The following SENP7 variants were observed in gnomAD, a reference collection of about 807,000 sequenced individuals.
The protein encoded by SENP7 is sentrin-specific protease 7.
A neutral mutation model predicts 141.2 loss-of-function variants in SENP7; 64 were observed. The observed-to-expected ratio is 0.45, with a 90% CI of 0.37 to 0.56. SENP7 has a LOEUF of 0.56. Among genes scored for constraint, SENP7 ranks in the 20% least tolerant of loss-of-function variants. The pLI is 0.00. For missense variants in SENP7, 1,025 were observed against 1,212.2 expected (o/e 0.85, Z 2.29); for synonymous variants, 382 against 426.4 (o/e 0.90, Z 1.28).
chr3:101,481,076 C>CCA (rs1390887538), intron 3 of SENP7, among the ~76,000 whole-genome samples: 1,955 of 127,204 alleles, frequency 0.015, 45 homozygotes, highest in African/African-American at 0.054. Flanking sequence ...GAGATTTCCC[C>CCA]AAAAAAAAAA....
At chr3:101,453,637 G>T (rs1261391892) in intron 4 of SENP7, among the ~76,000 whole-genome samples, 1 of 151,686 alleles carries the variant, frequency 6.6e-6, no homozygotes, top group Non-Finnish European at 1.5e-5. Context: ...AACACCGCAT[G>T]TTCTCACTCA....
At chr3:101,365,521 A>C (rs746291843) in intron 9 of SENP7, among the ~76,000 whole-genome samples, 13 of 150,102 alleles carry the variant, frequency 8.7e-5, no homozygotes, top group Non-Finnish European at 1.6e-4. Flanking sequence ...CTATAATCCC[A>C]GCTACTTGGG....
intron 4 of SENP7, among the ~76,000 whole-genome samples, chr3:101,447,943 T>C (rs921530511): frequency 1.3e-5 from 2 of 152,212 alleles, no homozygotes; most frequent in African/African-American, 4.8e-5. Context: ...TTACTATCAA[T>C]TGATATCTCA....
intron 3 of SENP7, among the ~76,000 whole-genome samples, chr3:101,476,552 T>A (rs553531941): frequency 6.6e-6 from 1 of 152,362 alleles, no homozygotes; most frequent in East Asian, 1.9e-4. Flanking sequence ...GGTGCCACAA[T>A]AAACATACAT....
intron 3 of SENP7, among the ~76,000 whole-genome samples, chr3:101,480,467 T>A (rs1269493272): frequency 6.6e-6 from 1 of 152,110 alleles, no homozygotes; most frequent in African/African-American, 2.4e-5. Flanking sequence ...AGGATATCCA[T>A]ACGCAGAAAA....
At chr3:101,451,189 A>T (rs1179832211) in intron 4 of SENP7, among the ~76,000 whole-genome samples, 1 of 152,178 alleles carries the variant, frequency 6.6e-6, no homozygotes, top group African/African-American at 2.4e-5. Flanking sequence ...CTCTGAATAG[A>T]CCAATAACAG....
At chr3:101,377,700 G>C (rs1382878184) in intron 6 of SENP7, among the ~76,000 whole-genome samples, 1 of 152,148 alleles carries the variant, frequency 6.6e-6, no homozygotes, top group East Asian at 1.9e-4. Context: ...AATCAAGCAG[G>C]GGAAATAAAA....
intron 4 of SENP7, among the ~76,000 whole-genome samples, chr3:101,434,427 G>C (rs891077678): frequency 6.6e-6 from 1 of 151,432 alleles, no homozygotes; most frequent in Admixed American, 6.6e-5. Flanking sequence ...AAAATAAAGA[G>C]AGAAAAAAAC....
chr3:101,359,146 C>T (rs577266429), intron 11 of SENP7: 1 of 152,186 alleles, frequency 6.6e-6, no homozygotes, highest in Non-Finnish European at 1.5e-5. Context: ...ATAATTCATA[C>T]TGGCAAAACT....
Position 101,499,535 on chromosome 3 carries a change from A to ATTTTTTTTTTTTTTTTTTTTTTTT in SENP7, c.90+1534_90+1535insAAAAAAAAAAAAAAAAAAAAAAAA, listed in dbSNP as rs55855998. ...AGGCACCTGCCATCATGCCCAGCTAATTTTTTTTTTTTTTCTTGGAGACAG... is the reference window on the plus strand; with the variant it reads ...AGGCACCTGCCATCATGCCCAGCTAATTTTTTTTTTTTTTTTTTTTTTTTTTTTTTTTTTTTTTCTTGGAGACAG... On this transcript the variant is annotated intron_variant, in intron 2 of 23. Transcript: ENST00000394095. 4.2e-3 allele frequency among the ~76,000 whole-genome samples: 588 copies of ATTTTTTTTTTTTTTTTTTTTTTTT among 138,564 alleles called. 13 individuals carry two copies. The highest frequency in any genetic ancestry group is 5.8e-3 in the Non-Finnish European group (369 of 64,040). 90.9% of individuals were successfully genotyped at this position (138,564 alleles called of 152,430 possible). A position where few individuals can be genotyped will look rare whatever the true frequency, so the allele number is the denominator to read the frequency against.
At chr3:101,391,373 G>C (rs2060812213) in intron 6 of SENP7, among the ~76,000 whole-genome samples, 1 of 149,026 alleles carries the variant, frequency 6.7e-6, no homozygotes, top group African/African-American at 2.5e-5. Context: ...AAAGAACACT[G>C]AAATAAATAC....
At chr3:101,392,942 G>C (rs1161326978) in intron 6 of SENP7, among the ~76,000 whole-genome samples, 1 of 152,060 alleles carries the variant, frequency 6.6e-6, no homozygotes, top group African/African-American at 2.4e-5. Flanking sequence ...TATGATCATG[G>C]ACTGCACTAC....
intron 4 of SENP7, among the ~76,000 whole-genome samples, chr3:101,447,885 T>C (rs775307769): frequency 6.6e-6 from 1 of 152,046 alleles, no homozygotes; most frequent in Non-Finnish European, 1.5e-5. Flanking sequence ...TGGACAGACA[T>C]ACAGATCAAC....
At chr3:101,492,428 T>C (rs1264453841) in intron 3 of SENP7, among the ~76,000 whole-genome samples, 1 of 152,098 alleles carries the variant, frequency 6.6e-6, no homozygotes, top group Non-Finnish European at 1.5e-5. Flanking sequence ...ACCAAAAATA[T>C]ACATTTTAAG....
intron 6 of SENP7, among the ~76,000 whole-genome samples, chr3:101,384,930 T>C (rs2060610190): frequency 6.6e-6 from 1 of 152,244 alleles, no homozygotes; most frequent in Non-Finnish European, 1.5e-5. Flanking sequence ...ATTTCTTACA[T>C]ACTACCCAGT....
chr3:101,431,760 G>C (rs2062184503), intron 4 of SENP7, among the ~76,000 whole-genome samples: 1 of 147,426 alleles, frequency 6.8e-6, no homozygotes, highest in African/African-American at 2.5e-5. Flanking sequence ...CTCCAGCCTG[G>C]CGGACAGAGC....
intron 5 of SENP7, among the ~76,000 whole-genome samples, chr3:101,404,147 T>G (rs567666286): frequency 2.6e-5 from 4 of 152,192 alleles, no homozygotes; most frequent in Middle Eastern, 3.4e-3. Flanking sequence ...ACTGGAAGAA[T>G]CACCTTACAT....
At chr3:101,409,860 C>G (rs1345031355) in intron 5 of SENP7, among the ~76,000 whole-genome samples, 1 of 152,156 alleles carries the variant, frequency 6.6e-6, no homozygotes, top group Non-Finnish European at 1.5e-5. Context: ...AAAAACCCTT[C>G]TAGACATTGG....
At chr3:101,413,843 T>C (rs1339822628) in intron 5 of SENP7, among the ~76,000 whole-genome samples, 2 of 151,872 alleles carry the variant, frequency 1.3e-5, no homozygotes, top group African/African-American at 4.8e-5. Flanking sequence ...ATTGTGAATA[T>C]GGAGGAACAG....
Sources: gnomAD v4.1 joint callset for allele counts (sites outside exome capture counted in the v4.1 genomes callset) on GRCh38, gnomAD v4.1.1 for gene constraint, MANE v1.5 for transcripts, NCBI Gene and HGNC (gene_info 2026-07-23, HGNC 2026-07-21) for gene names.